Variants in BIN2 observed in about 807,000 individuals in gnomAD.
The protein encoded by BIN2 is bridging integrator 2.
A neutral mutation model predicts 67.9 loss-of-function variants in BIN2; 43 were observed. That is an observed-to-expected ratio of 0.63 (90% CI 0.50 to 0.82). BIN2 has a LOEUF of 0.82. Among genes scored for constraint, BIN2 ranks in the 40% least tolerant of loss-of-function variants. BIN2 has a pLI of 0.00. For synonymous variants in BIN2, 244 were observed against 246.8 expected, an observed-to-expected ratio of 0.99 and a Z score of 0.11; for missense variants, 581 against 671.6, an observed-to-expected ratio of 0.87 and a Z score of 1.49.
At chr12:51,294,350 C>G (rs773950879) in intron 9 of BIN2, among the ~76,000 whole-genome samples, 1 of 152,114 alleles carries the variant, frequency 6.6e-6, no homozygotes, top group Non-Finnish European at 1.5e-5. Flanking sequence ...GGGCGGATCA[C>G]GAGGTCAGAA....
chr12:51,286,374 A>G (rs1202275884), intron 11 of BIN2, among the ~76,000 whole-genome samples: 1 of 152,196 alleles, frequency 6.6e-6, no homozygotes. Flanking sequence ...AGAGAGGCTA[A>G]GAGTAAGGAA....
rs540935200 is a variant in BIN2 at position 51,293,455 on chromosome 12, G to A, written c.762-1111C>T. ...CTCCCGAGTAGCTGGGACTACAGGCGCCCGCCACCATGCCCAGCTAATTTT... is the reference window on the plus strand; with the variant it reads ...CTCCCGAGTAGCTGGGACTACAGGCACCCGCCACCATGCCCAGCTAATTTT... On this transcript the variant is annotated intron_variant, in intron 9 of 12. Transcript: ENST00000615107. Among the ~76,000 whole-genome samples, 28 of 152,102 alleles carry A rather than the reference G, an allele frequency of 1.8e-4. No homozygotes were observed. The South Asian group carries it at 3.3e-3, about 18-fold the overall frequency.
chr12:51,297,274 A>C, intron 7 of BIN2, 110 bp from the exon 8 acceptor site: 2 of 1,054,452 alleles, frequency 1.9e-6, no homozygotes, highest in African/African-American at 1.6e-5. Flanking sequence ...AGGCTCCTAA[A>C]TGAAAGCCAT....
chr12:51,295,230 C>A (rs954939712), intron 9 of BIN2, among the ~76,000 whole-genome samples: 3 of 127,640 alleles, frequency 2.4e-5, no homozygotes, highest in Non-Finnish European at 5.6e-5. Flanking sequence ...TAGGCATGAG[C>A]CACCATTGTC....
intron 1 of BIN2, among the ~76,000 whole-genome samples, chr12:51,323,649 T>C (rs1293140141): frequency 6.6e-6 from 1 of 152,154 alleles, no homozygotes; most frequent in Non-Finnish European, 1.5e-5. Flanking sequence ...AATTTCATCA[T>C]CTGTAAAATA....
At chr12:51,281,789 CT>C (rs1945125833) in intron 12 of BIN2, among the ~76,000 whole-genome samples, 1 of 152,060 alleles carries the variant, frequency 6.6e-6, no homozygotes, top group Non-Finnish European at 1.5e-5. Context: ...TAGTCTTGCT[CT>C]GTCTCCCAGG....
chr12:51,311,511 C>G (rs1381065525), intron 2 of BIN2, among the ~76,000 whole-genome samples: 1 of 152,060 alleles, frequency 6.6e-6, no homozygotes, highest in Non-Finnish European at 1.5e-5. Flanking sequence ...TCCCAGGTAG[C>G]TGGGACTACA....
In BIN2 at chr12:51,313,923, A is replaced by T. The variant is rs750530036; in HGVS notation, c.82-20T>A. The T allele has an allele frequency of 1.9e-5, 30 of 1,600,604 alleles. No individual in the cohort carries two copies. The highest frequency in any genetic ancestry group is 4.4e-5 in the South Asian group (4 of 90,790). On this transcript the variant is annotated intron_variant, in intron 1 of 12. Transcript: ENST00000615107. ...CAGCACCTAGGGATATAAGTCAGAA[A>T]GGCCCGTAAGGTTATAGTCAAGTCT...
In BIN2 at chr12:51,324,117, G is replaced by T; in HGVS notation, c.-15C>A. 1 of 1,611,872 alleles carries T rather than the reference G, an allele frequency of 6.2e-7. No homozygotes were observed. The highest frequency in any genetic ancestry group is 8.5e-7 in the Non-Finnish European group (1 of 1,178,996). ...CCCTCTGCCATCCTGCCAACTCCCT[G>T]GGGGCCGCCGCCCTGGCCCCGCGCC... On this transcript the variant is annotated 5_prime_UTR_variant, in exon 1 of 13. Transcript: ENST00000615107.
rs545173833 is a variant in BIN2 at position 51,304,899 on chromosome 12, C to T, written c.163-1758G>A. Reference sequence around the variant, plus strand: ...GGGTGTGGTGGCGGGCACCTGTAGTCCCAGCTACTCAGGAGGCTGAGGCAG... The same window carrying T: ...GGGTGTGGTGGCGGGCACCTGTAGTTCCAGCTACTCAGGAGGCTGAGGCAG... On this transcript the variant is annotated intron_variant, in intron 2 of 12. Coordinates refer to ENST00000615107, the MANE Select transcript of BIN2 (RefSeq NM_016293.4). 7.9e-5 allele frequency among the ~76,000 whole-genome samples: 12 copies of T among 152,174 alleles called. No homozygotes were observed. In the South Asian group the frequency reaches 2.5e-3, roughly 32 times the overall value.
chr12:51,317,029 A>G (rs1477502762), intron 1 of BIN2, among the ~76,000 whole-genome samples: 1 of 152,082 alleles, frequency 6.6e-6, no homozygotes, highest in East Asian at 1.9e-4. Context: ...GGCATGTGCC[A>G]CCACGCCTGG....
chr12:51,324,173 G>C lies in BIN2; in HGVS notation c.-71C>G. ...GTTTTCTGAGGCCCCCGAGGAGGAA[G>C]TGCGGGCTCCCGGCATGCCTCGCAT... On this transcript the variant is annotated 5_prime_UTR_variant, in exon 1 of 13. Coordinates refer to ENST00000615107, the MANE Select transcript of BIN2 (RefSeq NM_016293.4). 6.3e-7 allele frequency: 1 copy of C among 1,586,866 alleles called. No homozygotes were observed. The highest frequency in any genetic ancestry group is 8.6e-7 in the Non-Finnish European group (1 of 1,168,966).
chr12:51,291,507 C>T lies in BIN2; in HGVS notation c.1515+84G>A, dbSNP rs550853079. 1.8e-5 allele frequency: 24 copies of T among 1,364,060 alleles called. No individual in the cohort carries two copies. The South Asian group carries it at 3.3e-4, about 19-fold the overall frequency. The allele number at this position is 1,364,060 out of a possible 1,614,324, so 84.5% of individuals were successfully genotyped here. On this transcript the variant is annotated intron_variant, in intron 10 of 12. Coordinates refer to ENST00000615107, the MANE Select transcript of BIN2 (RefSeq NM_016293.4). ...GCAATGAGCTGTGATCGCACCACTACACTCCAGCCTGGACGCCTGAGTGAG... is the reference window on the plus strand; with the variant it reads ...GCAATGAGCTGTGATCGCACCACTATACTCCAGCCTGGACGCCTGAGTGAG...
intron 2 of BIN2, among the ~76,000 whole-genome samples, chr12:51,305,469 C>A (rs1945843346): frequency 6.6e-6 from 1 of 151,046 alleles, no homozygotes; most frequent in African/African-American, 2.4e-5. Flanking sequence ...ACTAAAAATA[C>A]AAAAATTAGC....
At chr12:51,301,489 C>T (rs1291965697) in intron 5 of BIN2, among the ~76,000 whole-genome samples, 1 of 152,000 alleles carries the variant, frequency 6.6e-6, no homozygotes, top group Non-Finnish European at 1.5e-5. Context: ...CCAAATATAG[C>T]TTACTGAAAT....
chr12:51,295,901 G>C, intron 8 of BIN2, 23 bp from the exon 9 acceptor site: 1 of 1,601,284 alleles, frequency 6.2e-7, no homozygotes, highest in Non-Finnish European at 8.5e-7. Flanking sequence ...AGAAAGAAGG[G>C]GATGCTAGCC....
intron 1 of BIN2, among the ~76,000 whole-genome samples, chr12:51,315,879 A>G (rs1331566309): frequency 2.0e-5 from 3 of 152,216 alleles, no homozygotes; most frequent in Admixed American, 6.5e-5. Context: ...ACCCTCACTT[A>G]TAAACAGGCA....
intron 9 of BIN2, among the ~76,000 whole-genome samples, chr12:51,292,561 G>A (rs1414236136): frequency 1.3e-5 from 2 of 152,172 alleles, no homozygotes; most frequent in Non-Finnish European, 2.9e-5. Flanking sequence ...TACAGAGAAA[G>A]AGACTGGAAA....
rs544913520 is a variant in BIN2, at chr12:51,311,569, C to A, written c.162+2254G>T. On this transcript the variant is annotated intron_variant, in intron 2 of 12. Coordinates refer to ENST00000615107, the MANE Select transcript of BIN2 (RefSeq NM_016293.4). ...TAATTTTTGTATTTTTTTGTAGAGA[C>A]GGGATCTTGCTATGTTGCCCAGGCT... Among the ~76,000 whole-genome samples, 6 of 151,450 alleles carry A rather than the reference C, an allele frequency of 4.0e-5. No individual in the cohort carries two copies. The South Asian group carries it at 1.0e-3, about 26-fold the overall frequency.
Sources: allele counts gnomAD v4.1 joint callset (sites outside exome capture counted in the v4.1 genomes callset), GRCh38; gene constraint gnomAD v4.1.1; transcripts MANE v1.5; gene names NCBI Gene and HGNC (gene_info 2026-07-23, HGNC 2026-07-21).